CNTNAP2: variants seen among roughly 807,000 people sequenced by gnomAD.
CNTNAP2 encodes the protein contactin-associated protein-like 2.
In CNTNAP2, 98 loss-of-function variants were observed where a neutral mutation model predicts 155.2. That is an observed-to-expected ratio of 0.63 (90% CI 0.54 to 0.75). The LOEUF (loss-of-function observed/expected upper bound fraction) is 0.75. Ranked by LOEUF, CNTNAP2 falls within the 30% of genes least tolerant of loss-of-function variation. The probability of loss-of-function intolerance (pLI) is 0.00; values close to 1 mark genes in which losing one functional copy is unlikely to be tolerated. For synonymous variants in CNTNAP2, 651 were observed against 631.2 expected (o/e 1.03, Z -0.47); for missense variants, 1,727 against 1,688.1 (o/e 1.02, Z -0.40).
chr7:146,579,740 A>G (rs1220098091), intron 1 of CNTNAP2, among the ~76,000 whole-genome samples: 2 of 152,144 alleles, frequency 1.3e-5, no homozygotes, highest in Non-Finnish European at 2.9e-5. Flanking sequence ...TCTAACAAAC[A>G]ACCAAAAATA....
At chr7:147,189,347 A>G (rs895480997) in intron 8 of CNTNAP2, among the ~76,000 whole-genome samples, 9 of 152,176 alleles carry the variant, frequency 5.9e-5, no homozygotes, top group Non-Finnish European at 1.0e-4. Context: ...ACAAATCCTC[A>G]GTACTTTCTA....
intron 1 of CNTNAP2, among the ~76,000 whole-genome samples, chr7:146,253,419 G>C (rs765767611): frequency 3.3e-5 from 5 of 152,344 alleles, no homozygotes; most frequent in African/African-American, 1.2e-4. Flanking sequence ...ACACTGCAGC[G>C]ATCACATACA....
intron 13 of CNTNAP2, among the ~76,000 whole-genome samples, chr7:147,752,735 C>T (rs897009870): frequency 2.0e-5 from 3 of 152,112 alleles, no homozygotes; most frequent in African/African-American, 7.2e-5. Flanking sequence ...ATGAGCCATG[C>T]CTTTATAAAT....
intron 15 of CNTNAP2, among the ~76,000 whole-genome samples, chr7:148,047,309 T>C (rs1265966211): frequency 6.6e-6 from 1 of 152,206 alleles, no homozygotes; most frequent in African/African-American, 2.4e-5. Context: ...AACCTATCAA[T>C]ACATAACGTT....
chr7:147,125,380 A>G (rs1346926194), intron 6 of CNTNAP2, among the ~76,000 whole-genome samples: 1 of 152,102 alleles, frequency 6.6e-6, no homozygotes, highest in African/African-American at 2.4e-5. Context: ...GTAGCTGCCT[A>G]CACTGCAAAG....
chr7:147,644,713 A>G (rs1340748401), intron 13 of CNTNAP2, among the ~76,000 whole-genome samples: 1 of 152,218 alleles, frequency 6.6e-6, no homozygotes, highest in African/African-American at 2.4e-5. Flanking sequence ...GTCTTAGTCA[A>G]CAATACTAAT....
intron 15 of CNTNAP2, among the ~76,000 whole-genome samples, chr7:148,020,851 T>C (rs1366606900): frequency 1.3e-5 from 2 of 152,208 alleles, no homozygotes; most frequent in Non-Finnish European, 2.9e-5. Context: ...ATGACTTGAA[T>C]GCTACCGTAA....
chr7:146,771,892 CAG>C (rs1009378629), intron 1 of CNTNAP2, among the ~76,000 whole-genome samples: 2 of 152,090 alleles, frequency 1.3e-5, no homozygotes, highest in Non-Finnish European at 2.9e-5. Flanking sequence ...TTTTATTAAA[CAG>C]AGTTCTGAGC....
rs1798028722 is a variant in CNTNAP2, at chr7:148,331,775, A to AGTCG, written c.3476-51874_3476-51873insGTCG. 2.9e-5 allele frequency among the ~76,000 whole-genome samples: 4 copies of AGTCG among 137,032 alleles called. 2 individuals carry two copies. The highest frequency in any genetic ancestry group is 1.0e-4 in the African/African-American group (4 of 38,318). The allele number at this position is 137,032 out of a possible 152,430, so 89.9% of individuals were successfully genotyped here. A position where few individuals can be genotyped will look rare whatever the true frequency, so the allele number is the denominator to read the frequency against. On this transcript the variant is annotated intron_variant, in intron 21 of 23. Transcript: ENST00000361727. ...ACGGACGGATGGATTGGATGGATGG[A>AGTCG]ATGGACAGATGGAGTGGATGGATAG... is the stretch of plus-strand genomic sequence containing the variant.
At chr7:146,228,433 T>A (rs534596046) in intron 1 of CNTNAP2, among the ~76,000 whole-genome samples, 121 of 152,276 alleles carry the variant, frequency 7.9e-4, no homozygotes, top group African/African-American at 2.8e-3. Context: ...TCTGTAGAGT[T>A]GTATAAAAGT....
At chr7:146,975,326 A>G (rs904762833) in intron 3 of CNTNAP2, among the ~76,000 whole-genome samples, 3 of 152,082 alleles carry the variant, frequency 2.0e-5, no homozygotes, top group Admixed American at 6.5e-5. Flanking sequence ...TAAGCTGGGC[A>G]TGGTGGCAGG....
At chr7:147,261,375 A>C (rs1489152932) in intron 8 of CNTNAP2, among the ~76,000 whole-genome samples, 1 of 152,186 alleles carries the variant, frequency 6.6e-6, no homozygotes. Flanking sequence ...ACCTTCTGAA[A>C]ACACACCCTC....
At chr7:147,947,502 C>G (rs1800841951) in intron 14 of CNTNAP2, among the ~76,000 whole-genome samples, 1 of 150,450 alleles carries the variant, frequency 6.6e-6, no homozygotes, top group African/African-American at 2.4e-5. Context: ...GTAGTGCATG[C>G]CTGTGGTCCC....
At chr7:146,972,586 A>G (rs1797825505) in intron 3 of CNTNAP2, among the ~76,000 whole-genome samples, 1 of 152,164 alleles carries the variant, frequency 6.6e-6, no homozygotes, top group Admixed American at 6.6e-5. Context: ...AAATTTTTTC[A>G]TATATAAAAT....
At chr7:146,767,477 C>G (rs145119235) in intron 1 of CNTNAP2, among the ~76,000 whole-genome samples, 54 of 152,176 alleles carry the variant, frequency 3.5e-4, no homozygotes, top group African/African-American at 1.2e-3. Flanking sequence ...GTAATAATAG[C>G]AATGACTTCT....
chr7:146,899,955 G>A (rs752540255), intron 3 of CNTNAP2, among the ~76,000 whole-genome samples: 1 of 152,160 alleles, frequency 6.6e-6, no homozygotes, highest in Non-Finnish European at 1.5e-5. Context: ...ATTGTTGAAG[G>A]TGGAAAGTTA....
chr7:148,257,274 G>A (rs886823118), intron 20 of CNTNAP2, among the ~76,000 whole-genome samples: 1 of 152,170 alleles, frequency 6.6e-6, no homozygotes, highest in African/African-American at 2.4e-5. Flanking sequence ...TGCAGGATTC[G>A]GTTAACTTTC....
At chr7:146,926,936 G>C (rs955534737) in intron 3 of CNTNAP2, among the ~76,000 whole-genome samples, 12 of 152,162 alleles carry the variant, frequency 7.9e-5, no homozygotes, top group African/African-American at 2.9e-4. Context: ...AAATAACTTC[G>C]ATTCAGCCTT....
intron 3 of CNTNAP2, among the ~76,000 whole-genome samples, chr7:146,882,632 C>G (rs754246219): frequency 1.3e-5 from 2 of 152,102 alleles, no homozygotes; most frequent in Non-Finnish European, 2.9e-5. Flanking sequence ...TCAATTAAAC[C>G]TCTTTCCTAA....
Sources: allele counts gnomAD v4.1 joint callset (sites outside exome capture counted in the v4.1 genomes callset), GRCh38; gene constraint gnomAD v4.1.1; transcripts MANE v1.5; gene names NCBI Gene and HGNC (gene_info 2026-07-23, HGNC 2026-07-21).